The following SLC13A3 variants were observed in gnomAD, a reference collection of about 807,000 sequenced individuals.
SLC13A3 encodes Na(+)/dicarboxylate cotransporter 3.
In SLC13A3, 40 loss-of-function variants were observed where a neutral mutation model predicts 59.0. That is an observed-to-expected ratio of 0.68 (90% CI 0.53 to 0.88). The LOEUF (loss-of-function observed/expected upper bound fraction) is 0.88, where lower values mean the gene tolerates loss of function less well. SLC13A3 is among the 40% of genes least tolerant of loss of function. SLC13A3 has a pLI of 0.00. For synonymous variants in SLC13A3, 317 were observed against 330.3 expected (o/e 0.96, Z 0.44); for missense variants, 699 against 783.2 (o/e 0.89, Z 1.28).
At chr20:46,640,088 C>A (rs927664645) in intron 1 of SLC13A3, among the ~76,000 whole-genome samples, 1 of 152,216 alleles carries the variant, frequency 6.6e-6, no homozygotes, top group East Asian at 1.9e-4. Flanking sequence ...CCATGCCTGG[C>A]ACTTAGTAGA....
At chr20:46,560,726 A>G (rs549349275) in intron 12 of SLC13A3, among the ~76,000 whole-genome samples, 1 of 152,146 alleles carries the variant, frequency 6.6e-6, no homozygotes, top group Non-Finnish European at 1.5e-5. Context: ...AGGTAGTCCT[A>G]GTCAAGACTA....
rs367984500 is a variant in SLC13A3, at chr20:46,599,984, C to T, written c.595G>A (p.Ala199Thr). The part of the protein sequence containing the change: ...HTVPTEMQFL[A>T]STEAKDHPGE... ...CCAGTAACTTACGCTTCTGTGCTGG[C>T]GAGAAACTGCATCTCCGTGGGCACA... Residue 199 changes from alanine (A) to threonine (T), a missense_variant, in exon 4 of 13, where the codon GCC becomes ACC. Coordinates refer to ENST00000279027, the MANE Select transcript of SLC13A3 (RefSeq NM_022829.6). The T allele has an allele frequency of 1.4e-5, 22 of 1,571,340 alleles. No individual in the cohort carries two copies. Among genetic ancestry groups the T allele is most frequent in the South Asian group, 3.5e-5 (3 of 85,836 alleles).
chr20:46,600,681 C>A (rs1235935708), intron 3 of SLC13A3: 3 of 398,524 alleles, frequency 7.5e-6, no homozygotes, highest in African/African-American at 4.1e-5. Context: ...TTCATTCATT[C>A]ATCCAAAAAG....
chr20:46,641,771 ACTGCCC>A (rs2062847638), intron 1 of SLC13A3, among the ~76,000 whole-genome samples: 1 of 152,300 alleles, frequency 6.6e-6, no homozygotes, highest in Admixed American at 6.5e-5. Context: ...CCCTGGAGGG[ACTGCCC>A]CTTCCCAGGG....
chr20:46,683,814 G>T (rs192845989), intron 1 of SLC13A3, among the ~76,000 whole-genome samples: 34 of 152,274 alleles, frequency 2.2e-4, no homozygotes, highest in Non-Finnish European at 4.3e-4. Context: ...GCCAGGTCCT[G>T]TGCCAAGCAG....
intron 8 of SLC13A3, among the ~76,000 whole-genome samples, chr20:46,584,801 T>C (rs764053562): frequency 2.6e-5 from 4 of 152,246 alleles, no homozygotes; most frequent in Non-Finnish European, 4.4e-5. Flanking sequence ...GAAACAGTCG[T>C]ACTTTTGTAC....
intron 3 of SLC13A3, chr20:46,608,978 A>G (rs1275082528): frequency 6.4e-7 from 1 of 1,550,830 alleles, no homozygotes; most frequent in Non-Finnish European, 8.7e-7. Flanking sequence ...GACCAGACTC[A>G]GTTATCTGAC....
chr20:46,665,317 T>G (rs1489528682), intron 1 of SLC13A3, among the ~76,000 whole-genome samples: 1 of 151,384 alleles, frequency 6.6e-6, no homozygotes, highest in East Asian at 1.9e-4. Flanking sequence ...ACACTCACAA[T>G]GCAACCATCA....
chr20:46,558,524 C>T lies in SLC13A3; in HGVS notation c.*1498G>A, dbSNP rs983421864. Reference sequence around the variant, plus strand: ...TCCCATGAGTTTCTCTTTGAATGAACCTCTTGCTTCCAGTCCCATACAACG... The same window carrying T: ...TCCCATGAGTTTCTCTTTGAATGAATCTCTTGCTTCCAGTCCCATACAACG... On this transcript the variant is annotated 3_prime_UTR_variant, in exon 13 of 13. Coordinates refer to ENST00000279027, the MANE Select transcript of SLC13A3 (RefSeq NM_022829.6). 1.3e-5 allele frequency: 2 copies of T among 152,206 alleles called. No homozygotes were observed. The highest frequency in any genetic ancestry group is 4.8e-5 in the African/African-American group (2 of 41,452). 9.4% of individuals were successfully genotyped at this position (152,206 alleles called of 1,614,324 possible).
At chr20:46,674,682 C>T (rs2063114101), upstream of SLC13A3, among the ~76,000 whole-genome samples, 1 of 150,670 alleles carries the variant, frequency 6.6e-6, no homozygotes, top group South Asian at 2.1e-4. Flanking sequence ...CACATGGATC[C>T]TTGATTTTCT....
intron 1 of SLC13A3, among the ~76,000 whole-genome samples, chr20:46,641,315 A>T (rs1437598189): frequency 6.6e-6 from 1 of 152,210 alleles, no homozygotes; most frequent in Non-Finnish European, 1.5e-5. Context: ...TGTGTCAGGC[A>T]CTACTCTGGG....
At chr20:46,563,594 G>A (rs778097726) in intron 11 of SLC13A3, 43 bp from the exon 12 acceptor site, 2 of 1,569,068 alleles carry the variant, frequency 1.3e-6, no homozygotes, top group Non-Finnish European at 1.7e-6. Context: ...AGAGACCAAC[G>A]CAGAGCGACC....
At chr20:46,574,337 C>T (rs1195785863) in intron 10 of SLC13A3, among the ~76,000 whole-genome samples, 1 of 152,152 alleles carries the variant, frequency 6.6e-6, no homozygotes, top group Non-Finnish European at 1.5e-5. Context: ...TCTCAGTTTT[C>T]CTATCTGTAA....
At chr20:46,607,148 ATC>A (rs1359918710) in intron 3 of SLC13A3, among the ~76,000 whole-genome samples, 1 of 152,232 alleles carries the variant, frequency 6.6e-6, no homozygotes, top group Non-Finnish European at 1.5e-5. Flanking sequence ...CAGTTTCCTC[ATC>A]TATAAAATGG....
intron 1 of SLC13A3, among the ~76,000 whole-genome samples, chr20:46,618,870 T>C (rs1407854640): frequency 2.0e-5 from 3 of 152,200 alleles, no homozygotes; most frequent in Admixed American, 6.5e-5. Flanking sequence ...GAAGCACACT[T>C]GGCCAAGACT....
intron 1 of SLC13A3, among the ~76,000 whole-genome samples, chr20:46,680,989 A>C (rs2063151206): frequency 6.6e-6 from 1 of 152,248 alleles, no homozygotes; most frequent in African/African-American, 2.4e-5. Context: ...GTAAACAAGG[A>C]GACATGGGCT....
At chr20:46,650,441 G>A (rs886196719) in intron 1 of SLC13A3, among the ~76,000 whole-genome samples, 1 of 152,086 alleles carries the variant, frequency 6.6e-6, no homozygotes, top group African/African-American at 2.4e-5. Context: ...TACACAAAAG[G>A]CAAATCCTCA....
At chr20:46,672,635 G>C (rs1173090622), upstream of SLC13A3, among the ~76,000 whole-genome samples, 1 of 152,176 alleles carries the variant, frequency 6.6e-6, no homozygotes, top group Admixed American at 6.5e-5. Flanking sequence ...GTGAGCTTCT[G>C]ACTGCTTTGA....
intron 1 of SLC13A3, among the ~76,000 whole-genome samples, chr20:46,645,428 T>A (rs774988149): frequency 2.2e-4 from 33 of 152,340 alleles, no homozygotes; most frequent in Admixed American, 5.2e-4. Flanking sequence ...CTCACCAAGC[T>A]TCATGGTGGC....
Sources: allele counts gnomAD v4.1 joint callset (sites outside exome capture counted in the v4.1 genomes callset), GRCh38; gene constraint gnomAD v4.1.1; transcripts MANE v1.5; gene names NCBI Gene and HGNC (gene_info 2026-07-23, HGNC 2026-07-21).